CHAC1: variants seen among roughly 807,000 people sequenced by gnomAD.
CHAC1 encodes ChaC glutathione specific gamma-glutamylcyclotransferase 1.
A neutral mutation model predicts 22.1 loss-of-function variants in CHAC1; 22 were observed. The observed-to-expected ratio is 1.00, with a 90% CI of 0.71 to 1.42. The LOEUF (loss-of-function observed/expected upper bound fraction) is 1.42. CHAC1 is among the 40% of genes most tolerant of loss of function. CHAC1 has a pLI of 0.00. For synonymous variants in CHAC1, 145 were observed against 128.7 expected, an observed-to-expected ratio of 1.13 and a Z score of -0.86; for missense variants, 272 against 299.2, an observed-to-expected ratio of 0.91 and a Z score of 0.67.
intron 2 of CHAC1, 57 bp downstream of exon 2, chr15:40,954,320 A>T: frequency 6.3e-7 from 1 of 1,576,140 alleles, no homozygotes; most frequent in East Asian, 2.2e-5. Flanking sequence ...GGACCAGCAG[A>T]GAGAGCTCAT....
In CHAC1 at chr15:40,953,592, G is replaced by A. The variant is rs1415006066; in HGVS notation, c.9G>A (p.Gln3=). The A allele has an allele frequency of 1.2e-6, 2 of 1,609,970 alleles. No homozygotes were observed. Among genetic ancestry groups the A allele is most frequent in the Non-Finnish European group, 1.7e-6 (2 of 1,179,856 alleles). Reference sequence around the variant, plus strand: ...TCCCTGTGCCAGGCACCATGAAGCAGGAGTCTGCAGCCCCGAACACCCCGC... The same window carrying A: ...TCCCTGTGCCAGGCACCATGAAGCAAGAGTCTGCAGCCCCGAACACCCCGC... MK[Q]ESAAPNTPPT... The change falls in exon 1 of 3, where the codon CAG becomes CAA. Residue 3 remains glutamine, a synonymous_variant. Transcript: ENST00000617768.
At position 40,953,811 on chromosome 15, in the gene CHAC1, GA is replaced by G; in HGVS notation, c.229del (p.Met77CysfsTer6). On this transcript the variant is annotated frameshift_variant and splice_region_variant, in exon 1 of 3. Coordinates refer to ENST00000617768, the MANE Select transcript of CHAC1 (RefSeq NM_024111.6). LOFTEE classifies it high-confidence loss of function. Reference protein sequence around the residue: ...GDTFHRGSDKMPGRVVTLLED... With the variant: ...GDTFHRGSDKXPGRVVTLLED... The stretch of plus-strand genomic sequence containing the variant: ...ACACCTTCCATCGGGGCAGCGACAA[GA>G]TGGTGAGCATCCAACCGTGCCCAGG... 1 of 1,589,230 alleles carries G rather than the reference GA, an allele frequency of 6.3e-7. No homozygotes were observed. Among genetic ancestry groups the G allele is most frequent in the Non-Finnish European group, 8.5e-7 (1 of 1,173,630 alleles).
At position 40,955,804 on chromosome 15, in the gene CHAC1, G is replaced by A. The variant is rs374995600; in HGVS notation, c.*30G>A. On this transcript the variant is annotated 3_prime_UTR_variant, in exon 3 of 3. Transcript: ENST00000617768. ...CTGAGCCCCTGCGGGGAGTGCTCAT[G>A]TGGACATCAGGGCCAGACACCCACT... The A allele has an allele frequency of 4.4e-5, 68 of 1,550,536 alleles. No individual in the cohort carries two copies. Among genetic ancestry groups the A allele is most frequent in the Non-Finnish European group, 5.5e-5 (64 of 1,153,932 alleles).
intron 2 of CHAC1, among the ~76,000 whole-genome samples, 199 bp from the exon 3 acceptor site, chr15:40,955,174 T>C (rs538790606): frequency 3.2e-4 from 49 of 152,300 alleles, no homozygotes; most frequent in Middle Eastern, 3.4e-3. Context: ...ATTACAAGCA[T>C]GAGCCACCAC....
intron 2 of CHAC1, among the ~76,000 whole-genome samples, chr15:40,955,033 C>T (rs1353208229): frequency 6.6e-6 from 1 of 151,872 alleles, no homozygotes; most frequent in Non-Finnish European, 1.5e-5. Context: ...AGCTGGGTTA[C>T]AGGCGTACGC....
chr15:40,956,074 C>G lies in CHAC1; in HGVS notation c.*300C>G, dbSNP rs1017924912. 1 of 347,938 alleles carries G rather than the reference C, an allele frequency of 2.9e-6. No individual in the cohort carries two copies. Among genetic ancestry groups the G allele is most frequent in the Non-Finnish European group, 5.3e-6 (1 of 189,964 alleles). The allele number at this position is 347,938 out of a possible 1,614,324, so 21.6% of individuals were successfully genotyped here. ...ATCCTGGAACTTGACCAGATTCCCC[C>G]CAGTGCTGCTGCTAACCCCACACCA... On this transcript the variant is annotated 3_prime_UTR_variant, in exon 3 of 3. Coordinates refer to ENST00000617768, the MANE Select transcript of CHAC1 (RefSeq NM_024111.6).
rs1893159716 is a variant in CHAC1 at position 40,953,692 on chromosome 15, G to A, written c.109G>A (p.Gly37Arg). The part of the protein sequence containing the change: ...DGDPQALWIF[G>R]YGSLVWRPDF... ...CGACCCTCAAGCGCTGTGGATTTTC[G>A]GGTACGGCTCCCTGGTGTGGAGGCC... Residue 37 changes from glycine to arginine, a missense_variant, in exon 1 of 3, where the codon GGG becomes AGG. By Grantham distance (125) the Gly-to-Arg change is moderately radical. Coordinates refer to ENST00000617768, the MANE Select transcript of CHAC1 (RefSeq NM_024111.6). 1 of 1,607,564 alleles carries A rather than the reference G, an allele frequency of 6.2e-7. No homozygotes were observed. The highest frequency in any genetic ancestry group is 8.5e-7 in the Non-Finnish European group (1 of 1,179,994).
Position 40,955,877 on chromosome 15 carries a change from A to G in CHAC1, c.*103A>G. Reference sequence around the variant, plus strand: ...GACCGCTTGAGCCCACTGAGCAGATATGGTGGGTGGCTGGAGGCTTCTCTT... The same window carrying G: ...GACCGCTTGAGCCCACTGAGCAGATGTGGTGGGTGGCTGGAGGCTTCTCTT... On this transcript the variant is annotated 3_prime_UTR_variant, in exon 3 of 3. Coordinates refer to ENST00000617768, the MANE Select transcript of CHAC1 (RefSeq NM_024111.6). 8.0e-7 allele frequency: 1 copy of G among 1,251,626 alleles called. No homozygotes were observed. The highest frequency in any genetic ancestry group is 1.5e-5 in the African/African-American group (1 of 66,202). The allele number at this position is 1,251,626 out of a possible 1,614,324, so 77.5% of individuals were successfully genotyped here.
chr15:40,954,376 A>G, intron 2 of CHAC1, 113 bp downstream of exon 2: 1 of 1,090,490 alleles, frequency 9.2e-7, no homozygotes, highest in East Asian at 2.4e-5. Flanking sequence ...TCTCTGGCAG[A>G]GTAGAAACGT....
chr15:40,954,319 G>C, intron 2 of CHAC1, 56 bp downstream of exon 2: 4 of 1,577,940 alleles, frequency 2.5e-6, no homozygotes, highest in Non-Finnish European at 3.5e-6. Flanking sequence ...GGGACCAGCA[G>C]AGAGAGCTCA....
rs773790437 is a variant in CHAC1, at chr15:40,953,652, C to T, written c.69C>T (p.Phe23=). 1.3e-5 allele frequency: 21 copies of T among 1,609,180 alleles called. No homozygotes were observed. The highest frequency in any genetic ancestry group is 1.5e-5 in the Non-Finnish European group (18 of 1,179,998). Residue 23 remains phenylalanine, a synonymous_variant, in exon 1 of 3, where the codon TTC becomes TTT. Transcript: ENST00000617768. Reference sequence around the variant, plus strand: ...AGTCCCCTACGCCGTCCGCTCAGTTCCCCCGAAACGACGGCGACCCTCAAG... The same window carrying T: ...AGTCCCCTACGCCGTCCGCTCAGTTTCCCCGAAACGACGGCGACCCTCAAG... ...TSQSPTPSAQ[F]PRNDGDPQAL...
In CHAC1 at chr15:40,955,725, C is replaced by T. The variant is rs1290886702; in HGVS notation, c.620C>T (p.Thr207Ile). Reference protein sequence around the residue: ...HLAAIVDAVGTMLPCFCPTEQ... With the variant: ...HLAAIVDAVGIMLPCFCPTEQ... ...GCAGCCATCGTGGACGCTGTGGGCA[C>T]CATGTTGCCCTGCTTCTGCCCCACC... Residue 207 changes from threonine to isoleucine, a missense_variant, in exon 3 of 3, where the codon ACC becomes ATC. Coordinates refer to ENST00000617768, the MANE Select transcript of CHAC1 (RefSeq NM_024111.6). The T allele has an allele frequency of 2.5e-6, 4 of 1,603,876 alleles. No homozygotes were observed. The highest frequency in any genetic ancestry group is 2.5e-6 in the Non-Finnish European group (3 of 1,179,618).
At position 40,953,493 on chromosome 15, in the gene CHAC1, C is replaced by A; in HGVS notation, c.-91C>A. 6.4e-7 allele frequency: 1 copy of A among 1,560,112 alleles called. No homozygotes were observed. Among genetic ancestry groups the A allele is most frequent in the South Asian group, 1.2e-5 (1 of 85,816 alleles). On this transcript the variant is annotated 5_prime_UTR_variant, in exon 1 of 3. Transcript: ENST00000617768. ...CTCAGCTGGAGCTACCGAGCGGTGC[C>A]AGGCCAGGTGTGTGCGTCCGTCGGT...
Position 40,956,026 on chromosome 15 carries a change from G to T in CHAC1, c.*252G>T. The T allele has an allele frequency of 2.0e-6, 1 of 491,958 alleles. No homozygotes were observed. The highest frequency in any genetic ancestry group is 3.6e-6 in the Non-Finnish European group (1 of 276,142). 30.5% of individuals were successfully genotyped at this position (491,958 alleles called of 1,614,324 possible). A position where few individuals can be genotyped will look rare whatever the true frequency, so the allele number is the denominator to read the frequency against. On this transcript the variant is annotated 3_prime_UTR_variant, in exon 3 of 3. Coordinates refer to ENST00000617768, the MANE Select transcript of CHAC1 (RefSeq NM_024111.6). Reference sequence around the variant, plus strand: ...GGTGGAGGGCCTGCCCTGGACACAGGGGCCCTGCTGAGCAGTGGCCCCATC... The same window carrying T: ...GGTGGAGGGCCTGCCCTGGACACAGTGGCCCTGCTGAGCAGTGGCCCCATC...
In CHAC1 at chr15:40,953,556, G is replaced by A; in HGVS notation, c.-28G>A. The A allele has an allele frequency of 3.1e-6, 5 of 1,608,676 alleles. No individual in the cohort carries two copies. Among genetic ancestry groups the A allele is most frequent in the Non-Finnish European group, 4.2e-6 (5 of 1,179,660 alleles). The stretch of plus-strand genomic sequence containing the variant: ...ACGCCGGAGACCAGCCCCGGAGGCC[G>A]CCTGGGCCTATCCCTGTGCCAGGCA... On this transcript the variant is annotated 5_prime_UTR_variant, in exon 1 of 3. Coordinates refer to ENST00000617768, the MANE Select transcript of CHAC1 (RefSeq NM_024111.6).
chr15:40,954,328 C>G, intron 2 of CHAC1, 65 bp downstream of exon 2: 1 of 1,529,630 alleles, frequency 6.5e-7, no homozygotes, highest in Non-Finnish European at 9.1e-7. Flanking sequence ...AGAGAGAGCT[C>G]ATAGGCTCTT....
rs1893239462 is a variant in CHAC1 at position 40,956,035 on chromosome 15, T to G, written c.*261T>G. 2.2e-6 allele frequency: 1 copy of G among 456,414 alleles called. No individual in the cohort carries two copies. The highest frequency in any genetic ancestry group is 2.0e-5 in the African/African-American group (1 of 51,266). The allele number at this position is 456,414 out of a possible 1,614,324, so 28.3% of individuals were successfully genotyped here. On this transcript the variant is annotated 3_prime_UTR_variant, in exon 3 of 3. Coordinates refer to ENST00000617768, the MANE Select transcript of CHAC1 (RefSeq NM_024111.6). ...CCTGCCCTGGACACAGGGGCCCTGC[T>G]GAGCAGTGGCCCCATCCTGGAACTT...
intron 2 of CHAC1, 73 bp from the exon 3 acceptor site, chr15:40,955,300 G>A (rs1893214022): frequency 6.5e-7 from 1 of 1,528,178 alleles, no homozygotes; most frequent in Non-Finnish European, 9.0e-7. Flanking sequence ...GGGTGGGGGT[G>A]GCATGTTAGG....
rs1893229086 is a variant in CHAC1 at position 40,955,682 on chromosome 15, G to A, written c.577G>A (p.Ala193Thr). The A allele has an allele frequency of 6.2e-7, 1 of 1,610,328 alleles. No homozygotes were observed. The highest frequency in any genetic ancestry group is 1.3e-5 in the African/African-American group (1 of 74,940). Reference protein sequence around the residue: ...ADFMQLCGPQAQDEHLAAIVD... With the variant: ...ADFMQLCGPQTQDEHLAAIVD... ...CTTCATGCAGCTCTGTGGGCCTCAG[G>A]CGCAGGACGAGCACCTGGCAGCCAT... Residue 193 changes from alanine to threonine, a missense_variant, in exon 3 of 3, where the codon GCG becomes ACG. Physicochemically the swap from Ala to Thr is moderately conservative, Grantham distance 58. Transcript: ENST00000617768.
Sources: gnomAD v4.1 joint callset for allele counts (sites outside exome capture counted in the v4.1 genomes callset) on GRCh38, gnomAD v4.1.1 for gene constraint, MANE v1.5 for transcripts, NCBI Gene and HGNC (gene_info 2026-07-23, HGNC 2026-07-21) for gene names.